Variants in ISLR2 observed in about 807,000 individuals in gnomAD.
ISLR2 encodes immunoglobulin superfamily containing leucine rich repeat 2.
ISLR2 carries 16 observed loss-of-function variants against 25.5 expected under a neutral mutation model. That is an observed-to-expected ratio of 0.63 (90% confidence interval 0.43 to 0.95). ISLR2 has a LOEUF of 0.95. Among genes scored for constraint, ISLR2 ranks in the 40% least tolerant of loss-of-function variants. The probability of loss-of-function intolerance (pLI) is 0.00; values close to 1 mark genes in which losing one functional copy is unlikely to be tolerated. For missense variants in ISLR2, 883 were observed against 1,030.7 expected (o/e 0.86, Z 1.96); for synonymous variants, 508 against 486.6 (o/e 1.04, Z -0.58).
rs931612391 is a variant in ISLR2 at position 74,136,447 on chromosome 15, C to T, written c.*1455C>T. On this transcript the variant is annotated 3_prime_UTR_variant, in exon 3 of 3. Coordinates refer to ENST00000453268, the MANE Select transcript of ISLR2 (RefSeq NM_020851.3). ...TCCTCGCGTCGCCCCGCCCCACCCGCCCCTGCTTCGGCGGGAATCGTGTTT... is the reference window on the plus strand; with the variant it reads ...TCCTCGCGTCGCCCCGCCCCACCCGTCCCTGCTTCGGCGGGAATCGTGTTT... 6.0e-6 allele frequency: 1 copy of T among 165,964 alleles called. No homozygotes were observed. The highest frequency in any genetic ancestry group is 1.5e-5 in the Non-Finnish European group (1 of 68,218). 10.3% of individuals were successfully genotyped at this position (165,964 alleles called of 1,614,324 possible).
rs758271041 is a variant in ISLR2, at chr15:74,133,933, G to A, written c.1179G>A (p.Pro393=). The change falls in exon 3 of 3, where the codon CCG becomes CCA. Residue 393 remains proline (P), a synonymous_variant. Transcript: ENST00000453268. ...GGGGAGAACCCGACGGACAGGCCCCGACCTCTGAGCGCAAGTCCACAGCCA... is the reference window on the plus strand; with the variant it reads ...GGGGAGAACCCGACGGACAGGCCCCAACCTCTGAGCGCAAGTCCACAGCCA... The part of the protein sequence containing the change: ...GAGGEPDGQA[P]TSERKSTAKG... 3 of 1,604,328 alleles carry A rather than the reference G, an allele frequency of 1.9e-6. No homozygotes were observed. The highest frequency in any genetic ancestry group is 2.3e-5 in the East Asian group (1 of 44,392).
At chr15:74,124,178 T>A (rs970856100), upstream of ISLR2, among the ~76,000 whole-genome samples, 1 of 150,092 alleles carries the variant, frequency 6.7e-6, no homozygotes, top group Non-Finnish European at 1.5e-5. Flanking sequence ...ATAATCCTGG[T>A]CATTCTCATT....
chr15:74,132,669 A>C lies in ISLR2; in HGVS notation c.-8-78A>C. On this transcript the variant is annotated intron_variant, in intron 2 of 2. Transcript: ENST00000453268. This position sits in a 1 kb window ranked among gnomAD's most constrained non-coding sequence, Gnocchi z 4.3. ...GAACTAGTGCTAAACGGGCTTGCGG[A>C]GGCACAGCTTGATAGGGGAGGTAAG... 3 of 1,507,516 alleles carry C rather than the reference A, an allele frequency of 2.0e-6. No individual in the cohort carries two copies. The highest frequency in any genetic ancestry group is 2.7e-6 in the Non-Finnish European group (3 of 1,127,916). The allele number at this position is 1,507,516 out of a possible 1,614,324, so 93.4% of individuals were successfully genotyped here.
intron 2 of ISLR2, among the ~76,000 whole-genome samples, chr15:74,122,086 G>A (rs1378037066): frequency 6.6e-6 from 1 of 152,196 alleles, no homozygotes; most frequent in African/African-American, 2.4e-5. Context: ...AGCCTCAAGG[G>A]CCTCCTAATC....
At chr15:74,103,896 G>C (rs1321675329) in exon 2 of ISLR2, 1 of 151,218 alleles carries the variant, frequency 6.6e-6, no homozygotes, top group Admixed American at 6.6e-5. Flanking sequence ...CCTGTGAAGA[G>C]GTGTCTTCTG....
At chr15:74,137,926 G>A (rs1331545566), downstream of ISLR2, among the ~76,000 whole-genome samples, 6 of 152,070 alleles carry the variant, frequency 3.9e-5, no homozygotes, top group African/African-American at 1.2e-4. Context: ...TCCCAGACCA[G>A]CAAAGCTGTT....
chr15:74,137,943 CTT>C (rs1043527263), downstream of ISLR2, among the ~76,000 whole-genome samples: 2 of 150,068 alleles, frequency 1.3e-5, no homozygotes, highest in Non-Finnish European at 3.0e-5. Flanking sequence ...TGTTTTCTTT[CTT>C]TTTTTTTTAT....
At chr15:74,141,089 G>A (rs1159294914), downstream of ISLR2, among the ~76,000 whole-genome samples, 1 of 152,172 alleles carries the variant, frequency 6.6e-6, no homozygotes, top group Non-Finnish European at 1.5e-5. Flanking sequence ...TCATTCCATT[G>A]TTGAATAAGT....
chr15:74,110,420 G>T (rs909625713), intron 2 of ISLR2, among the ~76,000 whole-genome samples: 1 of 152,136 alleles, frequency 6.6e-6, no homozygotes, highest in African/African-American at 2.4e-5. Context: ...GATTGTTCGT[G>T]GCAGATTTAT....
At chr15:74,119,342 C>A (rs147118918) in intron 2 of ISLR2, among the ~76,000 whole-genome samples, 3,829 of 152,232 alleles carry the variant, frequency 0.025, 161 homozygotes, top group African/African-American at 0.088. Context: ...GCCCAAGTAG[C>A]TGGGACCACA....
chr15:74,135,332 C>G lies in ISLR2; in HGVS notation c.*340C>G, dbSNP rs2072546642. 3.4e-6 allele frequency: 1 copy of G among 294,084 alleles called. No homozygotes were observed. Among genetic ancestry groups the G allele is most frequent in the African/African-American group, 2.1e-5 (1 of 47,252 alleles). The allele number at this position is 294,084 out of a possible 1,614,324, so 18.2% of individuals were successfully genotyped here. A position where few individuals can be genotyped will look rare whatever the true frequency, so the allele number is the denominator to read the frequency against. ...TATCTGCGAAATCCACCCCGCAGCCCGCCCCACCGTGGGCTCTGGAGCCAG... is the reference window on the plus strand; with the variant it reads ...TATCTGCGAAATCCACCCCGCAGCCGGCCCCACCGTGGGCTCTGGAGCCAG... On this transcript the variant is annotated 3_prime_UTR_variant, in exon 3 of 3. Coordinates refer to ENST00000453268, the MANE Select transcript of ISLR2 (RefSeq NM_020851.3).
rs551936805 is a variant in ISLR2, at chr15:74,135,076, C to A, written c.*84C>A. 5 of 1,494,768 alleles carry A rather than the reference C, an allele frequency of 3.3e-6. No individual in the cohort carries two copies. The African/African-American group carries it at 5.5e-5, about 17-fold the overall frequency. 92.6% of individuals were successfully genotyped at this position (1,494,768 alleles called of 1,614,324 possible). On this transcript the variant is annotated 3_prime_UTR_variant, in exon 3 of 3. Transcript: ENST00000453268. ...AGTCTAGGGCTGGCAGGACTTATGT[C>A]CCCCGTCCCCAACCTTCACCTACTC... is the stretch of plus-strand genomic sequence containing the variant.
At chr15:74,122,606 G>A (rs60940863) in intron 2 of ISLR2, among the ~76,000 whole-genome samples, 12 of 152,128 alleles carry the variant, frequency 7.9e-5, no homozygotes, top group Admixed American at 3.9e-4. Context: ...GTTGTTTTTC[G>A]CTTGGGCAGT....
Position 74,135,050 on chromosome 15 carries a change from C to T in ISLR2, c.*58C>T. On this transcript the variant is annotated 3_prime_UTR_variant, in exon 3 of 3. Coordinates refer to ENST00000453268, the MANE Select transcript of ISLR2 (RefSeq NM_020851.3). ...CTCCACCTAGGGTGCCTGGGAGCAG[C>T]AGTCTAGGGCTGGCAGGACTTATGT... 1 of 1,564,604 alleles carries T rather than the reference C, an allele frequency of 6.4e-7. No individual in the cohort carries two copies.
At chr15:74,108,685 T>G (rs1160082784) in intron 2 of ISLR2, among the ~76,000 whole-genome samples, 3 of 152,246 alleles carry the variant, frequency 2.0e-5, no homozygotes, top group Non-Finnish European at 4.4e-5. Context: ...TCCACCTTTC[T>G]GTACCAGGCC....
intron 2 of ISLR2, among the ~76,000 whole-genome samples, chr15:74,120,347 T>C (rs1428896963): frequency 6.6e-6 from 1 of 152,000 alleles, no homozygotes; most frequent in Non-Finnish European, 1.5e-5. Flanking sequence ...ATGGTGAAGC[T>C]CCATTTCTAC....
upstream of ISLR2, chr15:74,127,022 T>C (rs2141942139): frequency 6.6e-6 from 1 of 150,722 alleles, no homozygotes; most frequent in African/African-American, 2.4e-5. Context: ...AGGGCAGCCT[T>C]GGGGAAGGTC....
chr15:74,128,756 C>T (rs1004202079), upstream of ISLR2: 3 of 438,056 alleles, frequency 6.8e-6, no homozygotes, highest in Non-Finnish European at 1.4e-5. Context: ...GACTCAGCTC[C>T]CGCTGCTGGG....
chr15:74,117,001 A>G (rs930266713), intron 2 of ISLR2, among the ~76,000 whole-genome samples: 2 of 152,216 alleles, frequency 1.3e-5, no homozygotes, highest in Non-Finnish European at 2.9e-5. Flanking sequence ...ATGGGGCTGC[A>G]GCCTCTTCAT....
Sources: allele counts gnomAD v4.1 joint callset (sites outside exome capture counted in the v4.1 genomes callset), GRCh38; gene constraint gnomAD v4.1.1; non-coding constraint Gnocchi (gnomAD v3.1); transcripts MANE v1.5; gene names NCBI Gene and HGNC (gene_info 2026-07-23, HGNC 2026-07-21).